Variants in ATP1A4 observed in about 807,000 individuals in gnomAD.
ATP1A4 encodes the protein ATPase Na+/K+ transporting subunit alpha 4.
In ATP1A4, 90 loss-of-function variants were observed where a neutral mutation model predicts 114.3. The observed-to-expected ratio is 0.79, with a 90% CI of 0.66 to 0.94. The LOEUF (loss-of-function observed/expected upper bound fraction) is 0.94, where lower values mean the gene tolerates loss of function less well. Among genes scored for constraint, ATP1A4 ranks in the 40% least tolerant of loss-of-function variants. ATP1A4 has a pLI of 0.00. For missense variants in ATP1A4, 1,222 were observed against 1,313.6 expected (o/e 0.93, Z 1.08); for synonymous variants, 511 against 494.1 (o/e 1.03, Z -0.45).
chr1:160,159,531 A>T lies in ATP1A4; in HGVS notation c.778+5A>T. 6.2e-7 allele frequency: 1 copy of T among 1,605,508 alleles called. No homozygotes were observed. The highest frequency in any genetic ancestry group is 8.5e-7 in the Non-Finnish European group (1 of 1,173,820). On this transcript the variant is annotated splice_donor_5th_base_variant and intron_variant, in intron 6 of 21. Coordinates refer to ENST00000368081, the MANE Select transcript of ATP1A4 (RefSeq NM_144699.4). ...TTTCCACCAACTGTGTGGAAGGTGA[A>T]TATCGAACCATAAGTAGCATAGATT...
In ATP1A4 at chr1:160,181,827, C is replaced by G; in HGVS notation, c.2867+13C>G. Reference sequence around the variant, plus strand: ...AGCAGGGCATGAGGTGAACATCTCACAAAACAGCCCAGCACTCTCCCAAGC... The same window carrying G: ...AGCAGGGCATGAGGTGAACATCTCAGAAAACAGCCCAGCACTCTCCCAAGC... On this transcript the variant is annotated intron_variant, in intron 19 of 21. Transcript: ENST00000368081. 1 of 1,554,580 alleles carries G rather than the reference C, an allele frequency of 6.4e-7. No homozygotes were observed. The highest frequency in any genetic ancestry group is 1.7e-5 in the African/African-American group (1 of 58,842).
chr1:160,180,651 A>G (rs1379956396), intron 18 of ATP1A4, among the ~76,000 whole-genome samples: 1 of 134,196 alleles, frequency 7.5e-6, no homozygotes, highest in Non-Finnish European at 1.6e-5. Flanking sequence ...TGGCCCCACC[A>G]TCCTTTCTTT....
chr1:160,159,116 A>G lies in ATP1A4; in HGVS notation c.640A>G (p.Ile214Val). Residue 214 changes from isoleucine (I) to valine (V), a missense_variant, in exon 5 of 22, where the codon ATC becomes GTC. Transcript: ENST00000368081. ...GDRVPADLRL[I>V]SAQGCKVDNS... Reference sequence around the variant, plus strand: ...CCGAGTCCCTGCTGACCTCCGGCTTATCTCTGCACAAGGATGTAAGGTGAG... The same window carrying G: ...CCGAGTCCCTGCTGACCTCCGGCTTGTCTCTGCACAAGGATGTAAGGTGAG... 6.2e-7 allele frequency: 1 copy of G among 1,614,092 alleles called. No individual in the cohort carries two copies. Among genetic ancestry groups the G allele is most frequent in the Non-Finnish European group, 8.5e-7 (1 of 1,179,958 alleles).
chr1:160,164,917 C>G (rs1013848825), intron 7 of ATP1A4, among the ~76,000 whole-genome samples: 1 of 152,202 alleles, frequency 6.6e-6, no homozygotes, highest in Non-Finnish European at 1.5e-5. Context: ...TGTTGTCTTG[C>G]TCTATTTACA....
At chr1:160,164,840 C>T (rs1652976436) in intron 7 of ATP1A4, among the ~76,000 whole-genome samples, 1 of 152,198 alleles carries the variant, frequency 6.6e-6, no homozygotes, top group Non-Finnish European at 1.5e-5. Context: ...TCTATAAAAC[C>T]CATGGGAGAT....
intron 4 of ATP1A4, among the ~76,000 whole-genome samples, chr1:160,156,486 G>A (rs1652674672): frequency 6.6e-6 from 1 of 151,784 alleles, no homozygotes; most frequent in South Asian, 2.1e-4. Flanking sequence ...GCGGTGGGGG[G>A]TGGCTGGATT....
intron 5 of ATP1A4, 111 bp downstream of exon 5, chr1:160,159,247 T>G: frequency 1.4e-6 from 2 of 1,468,238 alleles, no homozygotes; most frequent in Non-Finnish European, 1.8e-6. Context: ...CTTGAGAAGT[T>G]ACAAGTGCAG....
At chr1:160,152,301 T>C in intron 1 of ATP1A4, 114 bp downstream of exon 1, 3 of 1,241,998 alleles carry the variant, frequency 2.4e-6, no homozygotes, top group Non-Finnish European at 3.2e-6. Flanking sequence ...ATCTCTTCTC[T>C]GTTAGGCTTT....
intron 7 of ATP1A4, 85 bp downstream of exon 7, chr1:160,164,509 A>G: frequency 1.4e-6 from 2 of 1,435,014 alleles, no homozygotes; most frequent in African/African-American, 1.4e-5. Context: ...TTGTTGTTGA[A>G]CCTTTCAAGT....
intron 20 of ATP1A4, among the ~76,000 whole-genome samples, chr1:160,184,969 T>C (rs1653828437): frequency 6.6e-6 from 1 of 152,152 alleles, no homozygotes; most frequent in Non-Finnish European, 1.5e-5. Context: ...AGACAACCCC[T>C]CCCCTTTGTG....
Position 160,164,265 on chromosome 1 carries a change from C to T in ATP1A4, c.888C>T (p.Ile296=), listed in dbSNP as rs955817467. 3.1e-6 allele frequency: 5 copies of T among 1,614,184 alleles called. No individual in the cohort carries two copies. Among genetic ancestry groups the T allele is most frequent in the Admixed American group, 1.7e-5 (1 of 60,022 alleles). ...GCCAGACACCTATCGCTGCTGAGAT[C>T]GAACACTTCATCCATCTGATCACTG... The part of the protein sequence containing the change: ...AVGQTPIAAE[I]EHFIHLITVV... The change falls in exon 7 of 22, where the codon ATC becomes ATT. Residue 296 remains isoleucine (I), a synonymous_variant. Transcript: ENST00000368081.
chr1:160,174,025 A>C, intron 13 of ATP1A4, 86 bp from the exon 14 acceptor site: 1 of 1,480,764 alleles, frequency 6.8e-7, no homozygotes, highest in Non-Finnish European at 9.2e-7. Context: ...AAGAAGAAGC[A>C]ATGAAGCTAT....
intron 18 of ATP1A4, among the ~76,000 whole-genome samples, chr1:160,181,333 G>A (rs1349317867): frequency 6.6e-6 from 1 of 151,968 alleles, no homozygotes; most frequent in Non-Finnish European, 1.5e-5. Flanking sequence ...CGGTCAGATC[G>A]CCTGAGGTCA....
intron 12 of ATP1A4, among the ~76,000 whole-genome samples, chr1:160,172,094 C>G (rs1571026349): frequency 6.6e-6 from 1 of 152,176 alleles, no homozygotes; most frequent in Admixed American, 6.5e-5. Flanking sequence ...GAACCAGCGT[C>G]CAGCCCAGTG....
At chr1:160,156,200 A>G in intron 4 of ATP1A4, 42 bp downstream of exon 4, 1 of 1,307,874 alleles carries the variant, frequency 7.6e-7, no homozygotes, top group Non-Finnish European at 1.1e-6. Flanking sequence ...CAGGAGCAGG[A>G]TGTGGCCAAA....
Position 160,167,093 on chromosome 1 carries a change from G to A in ATP1A4, c.1356+16G>A. On this transcript the variant is annotated intron_variant, in intron 9 of 21. Transcript: ENST00000368081. ...CATTGCTAAGGTGTCAGGCCCAAGG[G>A]GAAGAGGGTACCTCAGTGTCCAGGG... The A allele has an allele frequency of 3.1e-6, 5 of 1,611,778 alleles. No homozygotes were observed. Among genetic ancestry groups the A allele is most frequent in the Non-Finnish European group, 4.2e-6 (5 of 1,177,952 alleles).
intron 15 of ATP1A4, among the ~76,000 whole-genome samples, chr1:160,175,600 G>C (rs935975944): frequency 6.6e-6 from 1 of 151,832 alleles, no homozygotes; most frequent in Non-Finnish European, 1.5e-5. Flanking sequence ...GACAGACCAA[G>C]CAGAGAGTGC....
At chr1:160,166,789 G>C in intron 8 of ATP1A4, 63 bp downstream of exon 8, 1 of 1,603,472 alleles carries the variant, frequency 6.2e-7, no homozygotes, top group Middle Eastern at 1.7e-4. Context: ...AGTGAGCTGA[G>C]AGAGAATGGT....
In ATP1A4 at chr1:160,174,766, C is replaced by G; in HGVS notation, c.2311+19C>G. The G allele has an allele frequency of 6.2e-7, 1 of 1,613,358 alleles. No individual in the cohort carries two copies. The highest frequency in any genetic ancestry group is 1.8e-4 in the Middle Eastern group (1 of 5,550). On this transcript the variant is annotated intron_variant, in intron 15 of 21. Transcript: ENST00000368081. ...GAGGAGGGTGAGGAGGCAGGGTGCC[C>G]ATGGTGGAGACTTCAACCCTGGACT...
Sources: allele counts gnomAD v4.1 joint callset (sites outside exome capture counted in the v4.1 genomes callset), GRCh38; gene constraint gnomAD v4.1.1; transcripts MANE v1.5; gene names NCBI Gene and HGNC (gene_info 2026-07-23, HGNC 2026-07-21).